Variants in ARFGEF3 observed in about 807,000 individuals in gnomAD.
ARFGEF3 encodes the protein ARFGEF family member 3, also known as brefeldin A-inhibited guanine nucleotide-exchange protein 3.
Under a neutral mutation model 221.7 loss-of-function variants are expected in ARFGEF3, and 96 were observed. The observed-to-expected ratio is 0.43, with a 90% CI of 0.37 to 0.51. The LOEUF (loss-of-function observed/expected upper bound fraction) is 0.51. Ranked by LOEUF, ARFGEF3 falls within the 20% of genes least tolerant of loss-of-function variation. The pLI is 0.00. For missense variants in ARFGEF3, 2,410 were observed against 2,789.9 expected (o/e 0.86, Z 3.07); for synonymous variants, 1,145 against 1,126.8 (o/e 1.02, Z -0.32).
chr6:138,179,136 T>C (rs1777014086), intron 2 of ARFGEF3, among the ~76,000 whole-genome samples: 1 of 152,236 alleles, frequency 6.6e-6, no homozygotes, highest in Non-Finnish European at 1.5e-5. Context: ...ACTTGGAGTA[T>C]TTATGTTCTA....
At chr6:138,216,485 G>A (rs761131446) in intron 4 of ARFGEF3, 4 of 152,136 alleles carry the variant, frequency 2.6e-5, no homozygotes, top group Non-Finnish European at 5.9e-5. Context: ...CAAGAAACAC[G>A]ACAAAGGAAG....
At chr6:138,178,424 T>G (rs1776998948) in intron 2 of ARFGEF3, among the ~76,000 whole-genome samples, 2 of 152,178 alleles carry the variant, frequency 1.3e-5, no homozygotes, top group African/African-American at 2.4e-5. Context: ...CATGCAGCCT[T>G]TCTCACTTCC....
chr6:138,217,615 T>C, intron 4 of ARFGEF3: 1 of 179,782 alleles, frequency 5.6e-6, no homozygotes, highest in Admixed American at 5.6e-5. Context: ...AGTGGTATAC[T>C]ATAAGTATTG....
intron 21 of ARFGEF3, 27 bp downstream of exon 21, chr6:138,296,982 C>A: frequency 6.3e-7 from 1 of 1,596,308 alleles, no homozygotes; most frequent in South Asian, 1.1e-5. Context: ...TGGGAAGAGG[C>A]TGGAACTGCT....
intron 8 of ARFGEF3, among the ~76,000 whole-genome samples, chr6:138,246,717 T>C (rs1778492119): frequency 6.6e-6 from 1 of 152,130 alleles, no homozygotes; most frequent in African/African-American, 2.4e-5. Flanking sequence ...CGGGGAGATA[T>C]AAGGCAAAGG....
chr6:138,213,600 A>G (rs1777777351), intron 4 of ARFGEF3, among the ~76,000 whole-genome samples: 2 of 151,910 alleles, frequency 1.3e-5, no homozygotes, highest in Admixed American at 6.6e-5. Context: ...GACAAATACC[A>G]TGATTTCACT....
chr6:138,324,201 G>A, intron 31 of ARFGEF3, 47 bp downstream of exon 31: 4 of 1,583,182 alleles, frequency 2.5e-6, no homozygotes, highest in Admixed American at 1.8e-5. Flanking sequence ...AACTCGAAGT[G>A]CATGTTGGGA....
intron 5 of ARFGEF3, among the ~76,000 whole-genome samples, chr6:138,237,026 A>G (rs996948064): frequency 7.4e-5 from 11 of 148,744 alleles, no homozygotes; most frequent in African/African-American, 2.5e-4. Context: ...TACAGTTTTC[A>G]GTTTCAAATG....
chr6:138,289,980 G>T lies in ARFGEF3; in HGVS notation c.3047+12G>T. 1 of 1,601,412 alleles carries T rather than the reference G, an allele frequency of 6.2e-7. No homozygotes were observed. The highest frequency in any genetic ancestry group is 1.8e-4 in the Middle Eastern group (1 of 5,484). The stretch of plus-strand genomic sequence containing the variant: ...CCACACGTGTTCAGGTGCATGACGG[G>T]CTCCCACCCCCAGATGGCACTAACC... On this transcript the variant is annotated intron_variant, in intron 18 of 33. Transcript: ENST00000251691.
intron 20 of ARFGEF3, among the ~76,000 whole-genome samples, chr6:138,294,403 G>A (rs1220471941): frequency 6.6e-6 from 1 of 152,250 alleles, no homozygotes; most frequent in African/African-American, 2.4e-5. Flanking sequence ...GCTTGTGGTA[G>A]AAATTGTGTG....
intron 4 of ARFGEF3, among the ~76,000 whole-genome samples, chr6:138,215,068 G>C (rs1777813870): frequency 6.6e-6 from 1 of 152,190 alleles, no homozygotes; most frequent in Non-Finnish European, 1.5e-5. Flanking sequence ...GTCTGCTTTG[G>C]CAACATTTTC....
intron 5 of ARFGEF3, among the ~76,000 whole-genome samples, chr6:138,234,855 A>T (rs1778256487): frequency 6.6e-6 from 1 of 152,188 alleles, no homozygotes; most frequent in Non-Finnish European, 1.5e-5. Context: ...ATTATATACG[A>T]TTTTAACAAA....
chr6:138,286,042 C>A lies in ARFGEF3; in HGVS notation c.2558C>A (p.Ser853Tyr), dbSNP rs1473513049. The change falls in exon 15 of 34, where the codon TCC (serine) becomes TAC (tyrosine). Residue 853 changes from serine (S) to tyrosine (Y), a missense_variant. Physicochemically the swap from Ser to Tyr is moderately radical, Grantham distance 144. Transcript: ENST00000251691. ...GCCCAGAGCAGGAGAATTGATGACT[C>A]CACAGTGGCAGGTAATGACTTGGGT... ...PFAQSRRIDD[S>Y]TVAGVAFARY... is the part of the protein sequence containing the mutation. 7 of 1,597,884 alleles carry A rather than the reference C, an allele frequency of 4.4e-6. No individual in the cohort carries two copies. The highest frequency in any genetic ancestry group is 6.0e-6 in the Non-Finnish European group (7 of 1,172,320).
intron 4 of ARFGEF3, chr6:138,218,411 T>G (rs370519608): frequency 6.6e-7 from 1 of 1,521,254 alleles, no homozygotes; most frequent in Non-Finnish European, 8.8e-7. Context: ...CTACTGTAAA[T>G]TGAATTGTAG....
At chr6:138,197,828 A>G (rs1030515779) in intron 2 of ARFGEF3, among the ~76,000 whole-genome samples, 2 of 152,194 alleles carry the variant, frequency 1.3e-5, no homozygotes, top group African/African-American at 4.8e-5. Context: ...TCCTTACATC[A>G]GTCAAGCTTA....
chr6:138,220,470 TC>T (rs1489738784), intron 4 of ARFGEF3, among the ~76,000 whole-genome samples: 3 of 152,214 alleles, frequency 2.0e-5, no homozygotes, highest in Non-Finnish European at 4.4e-5. Context: ...ACAGAATACT[TC>T]CTGTATGTTC....
chr6:138,202,008 A>G (rs1318791444), intron 2 of ARFGEF3, among the ~76,000 whole-genome samples: 1 of 152,250 alleles, frequency 6.6e-6, no homozygotes, highest in African/African-American at 2.4e-5. Context: ...TGACATGACC[A>G]GATGCAGCAT....
At position 138,324,091 on chromosome 6, in the gene ARFGEF3, G is replaced by A. The variant is rs3734301; in HGVS notation, c.4938G>A (p.Ala1646=). 0.089 allele frequency: 143,332 copies of A among 1,613,532 alleles called. 15,581 individuals are homozygous for A. Among genetic ancestry groups the A allele is most frequent in the African/African-American group, 0.55 (41,192 of 74,924 alleles). ...GGGAAGGCTGCCAGGTGCGAGTGGC[G>A]GCCCCGTCCTCCTCCCCAAGTGCCG... ...FSGEGCQVRV[A]APSSSPSAEA... Residue 1646 remains alanine, a synonymous_variant, in exon 31 of 34, where the codon GCG becomes GCA. Coordinates refer to ENST00000251691, the MANE Select transcript of ARFGEF3 (RefSeq NM_020340.5).
intron 12 of ARFGEF3, among the ~76,000 whole-genome samples, chr6:138,272,142 C>CATTTATTTATTTATTTATTTATTT (rs6149826): frequency 1.8e-4 from 27 of 148,756 alleles, no homozygotes; most frequent in East Asian, 3.9e-4. Context: ...TAGCAGATGC[C>CATTTATTTATTTATTTATTTATTT]ATTTATTTAT....
Sources: gnomAD v4.1 joint callset for allele counts (sites outside exome capture counted in the v4.1 genomes callset) on GRCh38, gnomAD v4.1.1 for gene constraint, MANE v1.5 for transcripts, NCBI Gene and HGNC (gene_info 2026-07-23, HGNC 2026-07-21) for gene names.